Variants in GPC6 observed in about 807,000 individuals in gnomAD.
The protein encoded by GPC6 is glypican 6.
In GPC6, 14 loss-of-function variants were observed where a neutral mutation model predicts 55.2. The observed-to-expected ratio is 0.25, with a 90% CI of 0.17 to 0.40. GPC6 has a LOEUF of 0.40. Among genes scored for constraint, GPC6 ranks in the 10% least tolerant of loss-of-function variants. The pLI, the probability that GPC6 is intolerant of heterozygous loss-of-function variation, is 1.00. For synonymous variants in GPC6, 278 were observed against 259.6 expected, an observed-to-expected ratio of 1.07 and a Z score of -0.68; for missense variants, 641 against 708.5, an observed-to-expected ratio of 0.90 and a Z score of 1.08.
chr13:94,050,649 G>A (rs1883913043), intron 4 of GPC6, among the ~76,000 whole-genome samples: 1 of 152,148 alleles, frequency 6.6e-6, no homozygotes. Flanking sequence ...CCTGGCACCA[G>A]CGCTAAGGTG....
At chr13:93,280,876 G>A (rs550214995) in intron 1 of GPC6, among the ~76,000 whole-genome samples, 5 of 152,234 alleles carry the variant, frequency 3.3e-5, no homozygotes, top group South Asian at 4.1e-4. Flanking sequence ...TTGCATGCCC[G>A]GTTCACAACA....
rs561913031 is a variant in GPC6, at chr13:93,555,313, G to A, written c.319+9892G>A. Among the ~76,000 whole-genome samples, 15 of 152,170 alleles carry A rather than the reference G, an allele frequency of 9.9e-5. No homozygotes were observed. In the South Asian group the frequency reaches 3.1e-3, roughly 32 times the overall value. Reference sequence around the variant, plus strand: ...TTGCATATTCCCTGTTGAAGTCTAAGCTCATTAAGTTCAGAGATTAGGTCT... The same window carrying A: ...TTGCATATTCCCTGTTGAAGTCTAAACTCATTAAGTTCAGAGATTAGGTCT... On this transcript the variant is annotated intron_variant, in intron 2 of 8. Transcript: ENST00000377047.
chr13:93,274,636 A>G (rs1877666470), intron 1 of GPC6, among the ~76,000 whole-genome samples: 1 of 152,228 alleles, frequency 6.6e-6, no homozygotes, highest in Non-Finnish European at 1.5e-5. Flanking sequence ...CTGAAAAACT[A>G]TTACAAATAG....
At chr13:93,535,979 C>T (rs1882046999) in intron 1 of GPC6, among the ~76,000 whole-genome samples, 1 of 152,138 alleles carries the variant, frequency 6.6e-6, no homozygotes, top group Non-Finnish European at 1.5e-5. Context: ...CTAACAAGCA[C>T]TTTGCATGAA....
At chr13:93,707,833 T>G (rs1484416992) in intron 2 of GPC6, among the ~76,000 whole-genome samples, 2 of 151,838 alleles carry the variant, frequency 1.3e-5, no homozygotes, top group Non-Finnish European at 2.9e-5. Flanking sequence ...CATATCACAG[T>G]TGAGTTATTC....
At chr13:93,612,826 C>T (rs764244730) in intron 2 of GPC6, among the ~76,000 whole-genome samples, 13 of 152,170 alleles carry the variant, frequency 8.5e-5, no homozygotes, top group Middle Eastern at 3.4e-3. Context: ...CAAAGGTATT[C>T]GTATGTGTGT....
chr13:93,890,716 AT>A lies in GPC6; in HGVS notation c.711+60188del, dbSNP rs35783811. 6.2e-3 allele frequency among the ~76,000 whole-genome samples: 780 copies of A among 125,368 alleles called. 4 individuals are homozygous for A. The highest frequency in any genetic ancestry group is 0.019 in the Middle Eastern group (5 of 260). The allele number at this position is 125,368 out of a possible 152,430, so 82.2% of individuals were successfully genotyped here. On this transcript the variant is annotated intron_variant, in intron 3 of 8. Transcript: ENST00000377047. Reference sequence around the variant, plus strand: ...AGTTTTCTGTTATAAATTTTACTTAATTTTTTTTTTTTTTTTTGCTTAGAAA... The same window carrying A: ...AGTTTTCTGTTATAAATTTTACTTAATTTTTTTTTTTTTTTTGCTTAGAAA...
intron 3 of GPC6, among the ~76,000 whole-genome samples, chr13:94,020,244 T>C (rs1271156513): frequency 1.3e-5 from 2 of 152,226 alleles, no homozygotes; most frequent in Non-Finnish European, 2.9e-5. Context: ...AACCCATTGT[T>C]TGTATGAAAC....
chr13:94,287,143 T>A (rs1892554913), intron 5 of GPC6, among the ~76,000 whole-genome samples: 1 of 151,752 alleles, frequency 6.6e-6, no homozygotes, highest in South Asian at 2.1e-4. Context: ...TTAAGCAAAA[T>A]TGAGAAGTTT....
At chr13:93,529,803 C>CATG (rs1881795375) in intron 1 of GPC6, among the ~76,000 whole-genome samples, 1 of 152,144 alleles carries the variant, frequency 6.6e-6, no homozygotes, top group Non-Finnish European at 1.5e-5. Context: ...GCATGAGCCA[C>CATG]CGCGCCTGGC....
intron 1 of GPC6, among the ~76,000 whole-genome samples, chr13:93,282,594 A>C (rs1016082040): frequency 6.6e-5 from 10 of 152,148 alleles, no homozygotes; most frequent in Non-Finnish European, 1.2e-4. Context: ...CAGAGCAAAT[A>C]GGGAGATTAA....
intron 6 of GPC6, chr13:94,306,367 T>G: frequency 1.8e-6 from 1 of 549,998 alleles, no homozygotes. Context: ...GACCACATTT[T>G]CAACTTCTTA....
chr13:93,717,653 G>A (rs1883297360), intron 2 of GPC6, among the ~76,000 whole-genome samples: 1 of 151,728 alleles, frequency 6.6e-6, no homozygotes. Flanking sequence ...TGGGATACAT[G>A]TGCAGAATGT....
chr13:94,080,558 C>A (rs1044098505), intron 4 of GPC6, among the ~76,000 whole-genome samples: 3 of 152,008 alleles, frequency 2.0e-5, no homozygotes, highest in Non-Finnish European at 2.9e-5. Context: ...ACTACTTGGG[C>A]AACTATAAAA....
chr13:93,226,544 T>C (rs889727003), upstream of GPC6: 1 of 152,220 alleles, frequency 6.6e-6, no homozygotes, highest in Non-Finnish European at 1.5e-5. Context: ...GAGCAACAAT[T>C]GGAACTGCGT....
intron 4 of GPC6, among the ~76,000 whole-genome samples, chr13:94,090,061 C>A (rs1325760496): frequency 1.7e-5 from 2 of 119,810 alleles, no homozygotes; most frequent in East Asian, 2.5e-4. Flanking sequence ...GAAAAAATAC[C>A]CAAGACTGGG....
Position 93,552,486 on chromosome 13 carries a change from C to G in GPC6, c.319+7065C>G, listed in dbSNP as rs926008713. On this transcript the variant is annotated intron_variant, in intron 2 of 8. Transcript: ENST00000377047. ...CTCCTTTCTCTGTCTCTCTGTCTCT[C>G]TCTCTCTCTCTCTCTCTTTCTTTCT... 7.9e-5 allele frequency among the ~76,000 whole-genome samples: 12 copies of G among 151,612 alleles called. No homozygotes were observed. The South Asian group carries it at 8.3e-4, about 11-fold the overall frequency.
At chr13:94,258,222 G>A (rs570875658) in intron 4 of GPC6, among the ~76,000 whole-genome samples, 1 of 152,290 alleles carries the variant, frequency 6.6e-6, no homozygotes, top group African/African-American at 2.4e-5. Flanking sequence ...ATTGATGCAG[G>A]TGAGCCCCGC....
intron 2 of GPC6, among the ~76,000 whole-genome samples, chr13:93,644,245 A>T (rs2139590330): frequency 6.6e-6 from 1 of 152,190 alleles, no homozygotes; most frequent in East Asian, 1.9e-4. Flanking sequence ...CTTCTTCTAG[A>T]TCATTTTAAA....
Sources: gnomAD v4.1 joint callset for allele counts (sites outside exome capture counted in the v4.1 genomes callset) on GRCh38, gnomAD v4.1.1 for gene constraint, MANE v1.5 for transcripts, NCBI Gene and HGNC (gene_info 2026-07-23, HGNC 2026-07-21) for gene names.